The following SLC4A4 variants were observed in gnomAD, a reference collection of about 807,000 sequenced individuals.
SLC4A4 encodes the protein electrogenic sodium bicarbonate cotransporter 1.
SLC4A4 carries 27 observed loss-of-function variants against 111.5 expected under a neutral mutation model. The observed-to-expected ratio is 0.24, with a 90% CI of 0.18 to 0.33. SLC4A4 has a LOEUF of 0.33. Among genes scored for constraint, SLC4A4 ranks in the 10% least tolerant of loss-of-function variants. The probability of loss-of-function intolerance (pLI) is 1.00; values close to 1 mark genes in which losing one functional copy is unlikely to be tolerated. For missense variants in SLC4A4, 909 were observed against 1,315.5 expected (o/e 0.69, Z 4.78); for synonymous variants, 443 against 463.4 (o/e 0.96, Z 0.57).
intron 14 of SLC4A4, among the ~76,000 whole-genome samples, chr4:71,481,888 A>C (rs908074801): frequency 6.7e-6 from 1 of 149,332 alleles, no homozygotes; most frequent in Non-Finnish European, 1.5e-5. Context: ...AGATTGTCCC[A>C]GTGGTAATTG....
rs1294979996 is a variant in SLC4A4 at position 71,559,608 on chromosome 4, T to C, written c.2938-485T>C. On this transcript the variant is annotated intron_variant, in intron 22 of 25. Transcript: ENST00000264485. ...TGAAGTAGCCCAGTGAATGAAATGG[T>C]CTATGCATATTCAAATACTACCTCA... Among the ~76,000 whole-genome samples the C allele has an allele frequency of 2.0e-5, 3 of 151,856 alleles. No homozygotes were observed. The East Asian group carries it at 5.8e-4, about 30-fold the overall frequency.
At chr4:71,139,978 T>A (rs955279529) in intron 2 of SLC4A4, among the ~76,000 whole-genome samples, 2 of 152,104 alleles carry the variant, frequency 1.3e-5, no homozygotes, top group Non-Finnish European at 2.9e-5. Context: ...GTACCCATTA[T>A]ACTATCTCTC....
intron 6 of SLC4A4, among the ~76,000 whole-genome samples, chr4:71,363,637 A>G (rs1342820758): frequency 6.6e-6 from 1 of 151,948 alleles, no homozygotes; most frequent in Non-Finnish European, 1.5e-5. Context: ...ACATCTTGCA[A>G]CTCTCAGGCC....
chr4:71,119,384 T>C (rs1353549239), intron 2 of SLC4A4, among the ~76,000 whole-genome samples: 1 of 152,144 alleles, frequency 6.6e-6, no homozygotes, highest in Non-Finnish European at 1.5e-5. Flanking sequence ...TTACAGTTTC[T>C]TTTTCCTTTT....
intron 1 of SLC4A4, among the ~76,000 whole-genome samples, chr4:71,221,583 T>A (rs1718748365): frequency 6.6e-6 from 1 of 152,230 alleles, no homozygotes; most frequent in African/African-American, 2.4e-5. Flanking sequence ...AGCTCTATGC[T>A]ATTCTCATGA....
At chr4:71,456,636 T>C (rs982657256) in intron 12 of SLC4A4, among the ~76,000 whole-genome samples, 7 of 152,170 alleles carry the variant, frequency 4.6e-5, no homozygotes, top group African/African-American at 1.7e-4. Flanking sequence ...TGCAAATATT[T>C]ATGGAGTGTC....
At chr4:71,364,973 G>A (rs535275148) in intron 6 of SLC4A4, among the ~76,000 whole-genome samples, 1 of 152,228 alleles carries the variant, frequency 6.6e-6, no homozygotes, top group South Asian at 2.1e-4. Flanking sequence ...CTTTGCAGAT[G>A]CCAAATAATA....
intron 3 of SLC4A4, among the ~76,000 whole-genome samples, chr4:71,317,021 A>T (rs1726741474): frequency 6.6e-6 from 1 of 151,750 alleles, no homozygotes; most frequent in African/African-American, 2.4e-5. Context: ...TGTCAGGCTC[A>T]CATGTGTTTA....
At chr4:71,299,992 T>A (rs776003378) in intron 3 of SLC4A4, among the ~76,000 whole-genome samples, 5 of 152,154 alleles carry the variant, frequency 3.3e-5, no homozygotes, top group Admixed American at 1.3e-4. Context: ...GATGTTTTCT[T>A]AATTCTTTAG....
chr4:71,284,676 T>C (rs144632997), intron 3 of SLC4A4, among the ~76,000 whole-genome samples: 1 of 152,380 alleles, frequency 6.6e-6, no homozygotes, highest in East Asian at 1.9e-4. Context: ...GGCTTACCAG[T>C]CAACTCTGTT....
At chr4:71,531,974 A>C (rs1318136957) in intron 16 of SLC4A4, 88 bp from the exon 17 acceptor site, 15 of 778,410 alleles carry the variant, frequency 1.9e-5, no homozygotes, top group Non-Finnish European at 2.7e-5. Flanking sequence ...AACTATTAGC[A>C]AATACAAAGT....
intron 4 of SLC4A4, among the ~76,000 whole-genome samples, chr4:71,348,799 C>G (rs569186559): frequency 6.6e-6 from 1 of 151,976 alleles, no homozygotes; most frequent in Non-Finnish European, 1.5e-5. Context: ...TAAATAATAC[C>G]CTATGTAGAG....
At chr4:71,309,931 C>T (rs961748511) in intron 3 of SLC4A4, among the ~76,000 whole-genome samples, 1 of 151,982 alleles carries the variant, frequency 6.6e-6, no homozygotes, top group Non-Finnish European at 1.5e-5. Flanking sequence ...CTCTAAGAAC[C>T]TTGACAAAAG....
chr4:71,092,133 A>G (rs1236038614), intron 1 of SLC4A4, among the ~76,000 whole-genome samples: 1 of 152,214 alleles, frequency 6.6e-6, no homozygotes, highest in Non-Finnish European at 1.5e-5. Flanking sequence ...AAGGCAATAT[A>G]AAGATGACTT....
At chr4:71,324,095 T>A (rs1006836334) in intron 3 of SLC4A4, among the ~76,000 whole-genome samples, 2 of 151,932 alleles carry the variant, frequency 1.3e-5, no homozygotes, top group Non-Finnish European at 2.9e-5. Flanking sequence ...GATGTTAATT[T>A]ATTAGGGGGA....
At chr4:71,300,413 G>T in intron 3 of SLC4A4, 1 of 233,978 alleles carries the variant, frequency 4.3e-6, no homozygotes, top group Non-Finnish European at 8.9e-6. Flanking sequence ...GGATGCTGCT[G>T]CTGTGCTTCA....
intron 3 of SLC4A4, among the ~76,000 whole-genome samples, chr4:71,306,049 A>C (rs967468415): frequency 6.6e-6 from 1 of 152,188 alleles, no homozygotes; most frequent in Non-Finnish European, 1.5e-5. Flanking sequence ...TGCAAGCTGG[A>C]CTTGTTTTCA....
intron 6 of SLC4A4, among the ~76,000 whole-genome samples, chr4:71,371,938 A>C (rs1731930001): frequency 6.6e-6 from 1 of 152,204 alleles, no homozygotes; most frequent in African/African-American, 2.4e-5. Context: ...GGTCACCAGA[A>C]ACCGTTAACC....
chr4:71,285,633 TG>T (rs1723856077), intron 3 of SLC4A4, among the ~76,000 whole-genome samples: 3 of 152,214 alleles, frequency 2.0e-5, no homozygotes, highest in African/African-American at 7.2e-5. Flanking sequence ...GAAACCTGAC[TG>T]TACAATAATA....
Sources: gnomAD v4.1 joint callset for allele counts (sites outside exome capture counted in the v4.1 genomes callset) on GRCh38, gnomAD v4.1.1 for gene constraint, MANE v1.5 for transcripts, NCBI Gene and HGNC (gene_info 2026-07-23, HGNC 2026-07-21) for gene names.